The following PTPRD variants were observed in gnomAD, a reference collection of about 807,000 sequenced individuals.
The protein encoded by PTPRD is protein tyrosine phosphatase receptor type D, also known as receptor-type tyrosine-protein phosphatase delta.
In PTPRD, 34 loss-of-function variants were observed where a neutral mutation model predicts 214.5. That is an observed-to-expected ratio of 0.16 (90% CI 0.12 to 0.21). PTPRD has a LOEUF of 0.21. PTPRD is among the 10% of genes least tolerant of loss of function. PTPRD has a pLI of 1.00. For missense variants in PTPRD, 2,545 were observed against 2,398.7 expected (o/e 1.06, Z -1.27); for synonymous variants, 1,128 against 845.7 (o/e 1.33, Z -5.79).
At chr9:9,226,638 G>A (rs763478316) in intron 9 of PTPRD, among the ~76,000 whole-genome samples, 1 of 151,948 alleles carries the variant, frequency 6.6e-6, no homozygotes, top group Non-Finnish European at 1.5e-5. Flanking sequence ...ATGAGATCTT[G>A]GATCTTGGGT....
intron 12 of PTPRD, among the ~76,000 whole-genome samples, chr9:8,710,482 G>A (rs2098309241): frequency 6.6e-6 from 1 of 152,076 alleles, no homozygotes; most frequent in Non-Finnish European, 1.5e-5. Flanking sequence ...AAGGAATGGT[G>A]GCAGGCGCCT....
chr9:9,174,609 C>A (rs1451392703), intron 10 of PTPRD, among the ~76,000 whole-genome samples: 1 of 151,986 alleles, frequency 6.6e-6, no homozygotes, highest in African/African-American at 2.4e-5. Context: ...ATATGTTCTC[C>A]TAAGTAAATT....
chr9:8,658,583 G>C (rs560722806), intron 12 of PTPRD, among the ~76,000 whole-genome samples: 4 of 150,060 alleles, frequency 2.7e-5, no homozygotes, highest in Non-Finnish European at 4.4e-5. Context: ...TCTCTCATAC[G>C]TATCCTCAGA....
chr9:9,234,637 C>G (rs1218194790), intron 9 of PTPRD, among the ~76,000 whole-genome samples: 1 of 152,164 alleles, frequency 6.6e-6, no homozygotes, highest in Admixed American at 6.6e-5. Context: ...GCCAGATACC[C>G]TAAATCAACT....
At chr9:10,122,738 C>T (rs1396055694) in intron 3 of PTPRD, among the ~76,000 whole-genome samples, 1 of 152,110 alleles carries the variant, frequency 6.6e-6, no homozygotes. Flanking sequence ...CAGGTATTTA[C>T]AAATATCCTT....
intron 2 of PTPRD, among the ~76,000 whole-genome samples, chr9:10,376,709 G>A (rs1232490470): frequency 2.0e-5 from 3 of 151,562 alleles, no homozygotes; most frequent in East Asian, 2.0e-4. Flanking sequence ...AATTTATTTG[G>A]TTATATAAAT....
chr9:8,460,799 C>G (rs2096376771), intron 32 of PTPRD, among the ~76,000 whole-genome samples: 2 of 151,906 alleles, frequency 1.3e-5, no homozygotes, highest in South Asian at 4.1e-4. Context: ...ATAATAAAAT[C>G]ATTTTGATAG....
chr9:8,323,451 C>T (rs1830460030), intron 44 of PTPRD, among the ~76,000 whole-genome samples: 1 of 152,184 alleles, frequency 6.6e-6, no homozygotes. Flanking sequence ...GGAAGTAATT[C>T]ACCATTCTAT....
At chr9:9,558,420 C>G (rs577542822) in intron 8 of PTPRD, among the ~76,000 whole-genome samples, 220 of 152,286 alleles carry the variant, frequency 1.4e-3, no homozygotes, top group African/African-American at 4.9e-3. Flanking sequence ...ACCCCTTTGG[C>G]CGAGGGAGAC....
intron 8 of PTPRD, among the ~76,000 whole-genome samples, chr9:9,480,361 T>C (rs369115335): frequency 2.0e-5 from 3 of 152,296 alleles, no homozygotes; most frequent in East Asian, 3.9e-4. Context: ...AGAAAACATA[T>C]ATTCAGTTAA....
intron 4 of PTPRD, among the ~76,000 whole-genome samples, chr9:9,984,987 G>C (rs938334904): frequency 6.6e-6 from 1 of 152,190 alleles, no homozygotes; most frequent in African/African-American, 2.4e-5. Flanking sequence ...CTATAAAGGA[G>C]AGATGCTTAA....
At chr9:9,809,887 T>A (rs1362220407) in intron 5 of PTPRD, among the ~76,000 whole-genome samples, 1 of 152,142 alleles carries the variant, frequency 6.6e-6, no homozygotes, top group East Asian at 1.9e-4. Flanking sequence ...ATCAAATACA[T>A]ATCAAGTGGC....
At position 8,521,622 on chromosome 9, in the gene PTPRD, C is replaced by T. The variant is rs544629380; in HGVS notation, c.692-76G>A. 6.3e-5 allele frequency: 91 copies of T among 1,455,222 alleles called. No individual in the cohort carries two copies. The African/African-American group carries it at 1.0e-3, about 16-fold the overall frequency. 90.1% of individuals were successfully genotyped at this position (1,455,222 alleles called of 1,614,324 possible). On this transcript the variant is annotated intron_variant, in intron 19 of 45. Transcript: ENST00000381196. ...GGATTATTAAACACATGACATGCAC[C>T]GTACAGACACGATTCAACAATTGAA... is the stretch of plus-strand genomic sequence containing the variant.
intron 11 of PTPRD, among the ~76,000 whole-genome samples, chr9:8,943,678 G>T (rs893358115): frequency 6.7e-6 from 1 of 150,166 alleles, no homozygotes; most frequent in Non-Finnish European, 1.5e-5. Context: ...CAGAATAAAT[G>T]GTTCTGGGAA....
At chr9:8,732,988 CAT>C (rs758280407) in intron 12 of PTPRD, among the ~76,000 whole-genome samples, 9 of 152,178 alleles carry the variant, frequency 5.9e-5, no homozygotes, top group African/African-American at 9.7e-5. Flanking sequence ...AGGAACCACA[CAT>C]GTCAGGGAGT....
chr9:8,903,579 G>A (rs2098687374), intron 11 of PTPRD, among the ~76,000 whole-genome samples: 1 of 152,066 alleles, frequency 6.6e-6, no homozygotes, highest in Admixed American at 6.6e-5. Flanking sequence ...TGCACTGTAA[G>A]TAACAATTTT....
intron 12 of PTPRD, among the ~76,000 whole-genome samples, chr9:8,644,587 G>A (rs1288939955): frequency 6.6e-6 from 1 of 152,200 alleles, no homozygotes; most frequent in Non-Finnish European, 1.5e-5. Context: ...AGCCAGGGCT[G>A]TGACTCACTC....
In PTPRD at chr9:10,085,642, C is replaced by A. The variant is rs1303871741; in HGVS notation, c.-544-51852G>T. On this transcript the variant is annotated intron_variant, in intron 3 of 45. Coordinates refer to ENST00000381196, the MANE Select transcript of PTPRD (RefSeq NM_002839.4). ...AGAGACTCAGGAAGAATACTGGCGCCTGCCTGTGCATGCCTCCCATCACCA... is the reference window on the plus strand; with the variant it reads ...AGAGACTCAGGAAGAATACTGGCGCATGCCTGTGCATGCCTCCCATCACCA... Among the ~76,000 whole-genome samples the A allele has an allele frequency of 2.0e-5, 3 of 151,710 alleles. No homozygotes were observed. The East Asian group carries it at 5.9e-4, about 30-fold the overall frequency.
Position 9,576,308 on chromosome 9 carries a change from G to A in PTPRD, c.-286-1527C>T, listed in dbSNP as rs140246700. ...AACCACTTGAGAGGTGATATAAAAT[G>A]TTTCTCTTTTTGATGAAATGTTAGA... On this transcript the variant is annotated intron_variant, in intron 7 of 45. Transcript: ENST00000381196. 2.6e-3 allele frequency among the ~76,000 whole-genome samples: 394 copies of A among 152,232 alleles called. 2 individuals carry two copies. The highest frequency in any genetic ancestry group is 8.9e-3 in the African/African-American group (368 of 41,544).
Sources: gnomAD v4.1 joint callset for allele counts (sites outside exome capture counted in the v4.1 genomes callset) on GRCh38, gnomAD v4.1.1 for gene constraint, MANE v1.5 for transcripts, NCBI Gene and HGNC (gene_info 2026-07-23, HGNC 2026-07-21) for gene names.